MYO16: variants seen among roughly 807,000 people sequenced by gnomAD.
MYO16 encodes unconventional myosin-XVI.
MYO16 carries 94 observed loss-of-function variants against 205.3 expected under a neutral mutation model. That is an observed-to-expected ratio of 0.46 (90% CI 0.39 to 0.54). The LOEUF is 0.54. MYO16 is among the 20% of genes least tolerant of loss of function. The probability of loss-of-function intolerance (pLI) is 0.00; values close to 1 mark genes in which losing one functional copy is unlikely to be tolerated. For missense variants in MYO16, 2,315 were observed against 2,387.5 expected, an observed-to-expected ratio of 0.97 and a Z score of 0.63; for synonymous variants, 988 against 954.0, an observed-to-expected ratio of 1.04 and a Z score of -0.66.
chr13:108,629,758 C>A lies in MYO16; in HGVS notation c.-87C>A. The A allele has an allele frequency of 7.8e-7, 1 of 1,278,870 alleles. No individual in the cohort carries two copies. The highest frequency in any genetic ancestry group is 1.1e-6 in the Non-Finnish European group (1 of 918,968). The allele number at this position is 1,278,870 out of a possible 1,614,324, so 79.2% of individuals were successfully genotyped here. A position where few individuals can be genotyped will look rare whatever the true frequency, so the allele number is the denominator to read the frequency against. On this transcript the variant is annotated 5_prime_UTR_variant, in exon 1 of 35. Coordinates refer to ENST00000457511, the MANE Select transcript of MYO16 (RefSeq NM_001198950.3). ...AGGTAAACTGTTACCTGAGTAAGGG[C>A]TTTAAGTAATGCATTTCCTGGGAAC...
At chr13:108,760,469 T>C (rs1885569110) in intron 4 of MYO16, among the ~76,000 whole-genome samples, 1 of 121,452 alleles carries the variant, frequency 8.2e-6, no homozygotes, top group African/African-American at 2.7e-5. Flanking sequence ...AATGATAACT[T>C]AGGGTTTTTT....
At position 108,646,058 on chromosome 13, in the gene MYO16, C is replaced by A. The variant is rs112048289; in HGVS notation, c.28+16186C>A. ...GTTTCAGGCTGACTGTAGGTGACCCCTGTCCTCTGGGGCACTACATTTTTC... is the reference window on the plus strand; with the variant it reads ...GTTTCAGGCTGACTGTAGGTGACCCATGTCCTCTGGGGCACTACATTTTTC... On this transcript the variant is annotated intron_variant, in intron 1 of 34. Transcript: ENST00000457511. 9.0e-4 allele frequency among the ~76,000 whole-genome samples: 137 copies of A among 152,310 alleles called. 4 individuals carry two copies. The highest frequency in any genetic ancestry group is 3.1e-3 in the African/African-American group (127 of 41,578).
intron 15 of MYO16, among the ~76,000 whole-genome samples, chr13:108,902,523 T>C (rs1246982142): frequency 6.6e-6 from 1 of 152,200 alleles, no homozygotes; most frequent in East Asian, 1.9e-4. Flanking sequence ...GGAAACAACA[T>C]AAATTAATTG....
intron 9 of MYO16, among the ~76,000 whole-genome samples, chr13:108,832,457 T>G (rs1457434601): frequency 6.6e-6 from 1 of 152,048 alleles, no homozygotes; most frequent in African/African-American, 2.4e-5. Flanking sequence ...TGGATTTGTA[T>G]GTCCTGAATA....
rs893846039 is a variant in MYO16 at position 109,042,959 on chromosome 13, C to T, written c.2797-3957C>T. On this transcript the variant is annotated intron_variant, in intron 23 of 34. Coordinates refer to ENST00000457511, the MANE Select transcript of MYO16 (RefSeq NM_001198950.3). ...ATGTTAAATGCATTTTCCCAGGTAA[C>T]AGTGAATTGAAGTCTCCAAATGGGA... Among the ~76,000 whole-genome samples, 3 of 152,198 alleles carry T rather than the reference C, an allele frequency of 2.0e-5. No individual in the cohort carries two copies. In the East Asian group the frequency reaches 5.8e-4, roughly 29 times the overall value.
intron 2 of MYO16, among the ~76,000 whole-genome samples, chr13:108,710,438 C>A (rs1220525727): frequency 1.3e-5 from 2 of 152,122 alleles, no homozygotes; most frequent in South Asian, 2.1e-4. Flanking sequence ...ATTTAGTAAC[C>A]AGAAAGTTTG....
Position 109,052,588 on chromosome 13 carries a change from T to G in MYO16, c.3048+113T>G, listed in dbSNP as rs987871231. 11 of 793,924 alleles carry G rather than the reference T, an allele frequency of 1.4e-5. No individual in the cohort carries two copies. In the African/African-American group the frequency reaches 1.9e-4, roughly 14 times the overall value. The allele number at this position is 793,924 out of a possible 1,614,324, so 49.2% of individuals were successfully genotyped here. A position where few individuals can be genotyped will look rare whatever the true frequency, so the allele number is the denominator to read the frequency against. The stretch of plus-strand genomic sequence containing the variant: ...AATACCAAGGAAATAGATATTCTAA[T>G]AGAAAGTATTAAGGAAAAGAATGCC... On this transcript the variant is annotated intron_variant, in intron 25 of 34. Coordinates refer to ENST00000457511, the MANE Select transcript of MYO16 (RefSeq NM_001198950.3).
At chr13:108,809,738 C>T (rs1887227611) in intron 7 of MYO16, among the ~76,000 whole-genome samples, 1 of 152,200 alleles carries the variant, frequency 6.6e-6, no homozygotes, top group South Asian at 2.1e-4. Context: ...TTGGTGCAGA[C>T]AAACATCCAA....
chr13:108,606,505 G>A (rs1010235024), intron 1 of MYO16, among the ~76,000 whole-genome samples: 1 of 152,198 alleles, frequency 6.6e-6, no homozygotes, highest in East Asian at 1.9e-4. Flanking sequence ...AGCCTTGACA[G>A]CTTCTGCATG....
chr13:108,607,612 C>T (rs971349654), intron 1 of MYO16, among the ~76,000 whole-genome samples: 3 of 152,236 alleles, frequency 2.0e-5, no homozygotes, highest in South Asian at 2.1e-4. Flanking sequence ...TATAAATTAC[C>T]CAGTCTTGGG....
intron 2 of MYO16, among the ~76,000 whole-genome samples, chr13:108,668,076 T>G (rs1279743011): frequency 6.6e-6 from 1 of 152,220 alleles, no homozygotes; most frequent in African/African-American, 2.4e-5. Flanking sequence ...TGTTTTAAAA[T>G]TTCTTGTACC....
intron 1 of MYO16, among the ~76,000 whole-genome samples, chr13:108,604,308 G>A (rs1351254642): frequency 6.6e-6 from 1 of 152,014 alleles, no homozygotes; most frequent in Admixed American, 6.6e-5. Context: ...GGATATTTTG[G>A]TGAAAAAGAC....
At chr13:108,547,386 G>C in the MYO16 span, among the ~76,000 whole-genome samples, 1 of 151,932 alleles carries the variant, frequency 6.6e-6, no homozygotes, top group Non-Finnish European at 1.5e-5. Flanking sequence ...ATTGGCTTTC[G>C]TGAGGTTGGG....
At chr13:108,607,515 T>G (rs1333848453) in intron 1 of MYO16, among the ~76,000 whole-genome samples, 2 of 152,162 alleles carry the variant, frequency 1.3e-5, no homozygotes, top group Admixed American at 6.6e-5. Context: ...AAGAAGGACA[T>G]GTTTCCTTCC....
At chr13:108,943,584 T>A (rs1037016253) in intron 16 of MYO16, among the ~76,000 whole-genome samples, 14 of 152,220 alleles carry the variant, frequency 9.2e-5, no homozygotes, top group African/African-American at 3.4e-4. Context: ...CCCAAGTCGC[T>A]GGGATTACAG....
At chr13:108,908,723 TGGCACTTTG>T (rs1413301470) in intron 15 of MYO16, among the ~76,000 whole-genome samples, 1 of 152,004 alleles carries the variant, frequency 6.6e-6, no homozygotes, top group African/African-American at 2.4e-5. Context: ...CCTGTAATCC[TGGCACTTTG>T]GGAGGCCGAG....
At chr13:108,526,783 T>C in the MYO16 span, among the ~76,000 whole-genome samples, 1 of 152,218 alleles carries the variant, frequency 6.6e-6, no homozygotes, top group African/African-American at 2.4e-5. Context: ...TATTCTGTTA[T>C]TTCTGCCTTT....
chr13:108,642,715 GC>G (rs1880563229), intron 1 of MYO16, among the ~76,000 whole-genome samples: 1 of 152,140 alleles, frequency 6.6e-6, no homozygotes, highest in African/African-American at 2.4e-5. Context: ...ACCGTGCCCG[GC>G]CTTTGGGTGT....
intron 20 of MYO16, among the ~76,000 whole-genome samples, chr13:108,973,914 T>G (rs562043228): frequency 2.6e-5 from 4 of 152,180 alleles, no homozygotes; most frequent in African/African-American, 9.6e-5. Context: ...AAAACATAAT[T>G]ATAGCTTTGA....
Sources: allele counts gnomAD v4.1 joint callset (sites outside exome capture counted in the v4.1 genomes callset), GRCh38; gene constraint gnomAD v4.1.1; transcripts MANE v1.5; gene names NCBI Gene and HGNC (gene_info 2026-07-23, HGNC 2026-07-21).